Variants in RTN3 observed in about 807,000 individuals in gnomAD.
The protein encoded by RTN3 is reticulon-3.
Under a neutral mutation model 77.8 loss-of-function variants are expected in RTN3, and 49 were observed. The observed-to-expected ratio is 0.63, with a 90% confidence interval of 0.50 to 0.80. RTN3 has a LOEUF of 0.80. RTN3 is among the 30% of genes least tolerant of loss of function. The probability of loss-of-function intolerance (pLI) is 0.00; values close to 1 mark genes in which losing one functional copy is unlikely to be tolerated. For synonymous variants in RTN3, 464 were observed against 446.9 expected, an observed-to-expected ratio of 1.04 and a Z score of -0.48; for missense variants, 1,236 against 1,211.9, an observed-to-expected ratio of 1.02 and a Z score of -0.29.
At chr11:63,687,669 A>G (rs974403671) in intron 1 of RTN3, among the ~76,000 whole-genome samples, 2 of 152,168 alleles carry the variant, frequency 1.3e-5, no homozygotes, top group African/African-American at 4.8e-5. Context: ...CCTGTAGTAA[A>G]TAACTGTACC....
At position 63,733,696 on chromosome 11, in the gene RTN3, C is replaced by T. The variant is rs1272696104; in HGVS notation, c.2530+12664C>T. Among the ~76,000 whole-genome samples, 4 of 151,286 alleles carry T rather than the reference C, an allele frequency of 2.6e-5. No individual in the cohort carries two copies. The East Asian group carries it at 7.8e-4, about 29-fold the overall frequency. On this transcript the variant is annotated intron_variant, in intron 3 of 8. Coordinates refer to ENST00000377819, the MANE Select transcript of RTN3 (RefSeq NM_001265589.2). ...ACCAGCCTGGACAACAAAGTGAGAC[C>T]CTGTCTCTACCAACAAAAAAAAAAG...
At chr11:63,728,656 G>A (rs942671163) in intron 3 of RTN3, among the ~76,000 whole-genome samples, 4 of 152,158 alleles carry the variant, frequency 2.6e-5, no homozygotes, top group East Asian at 1.9e-4. Context: ...TTGGAAGGCC[G>A]AGACAGGTGG....
rs147042072 is a variant in RTN3, at chr11:63,725,906, G to A, written c.2530+4874G>A. Among the ~76,000 whole-genome samples, 1,229 of 152,218 alleles carry A rather than the reference G, an allele frequency of 8.1e-3. 16 individuals carry two copies. The highest frequency in any genetic ancestry group is 0.027 in the African/African-American group (1,132 of 41,522). ...TGTCTTCTGTTATGTAAAAATGTTCGTAATTTATTAGTAAAAACTACATTG... is the reference window on the plus strand; with the variant it reads ...TGTCTTCTGTTATGTAAAAATGTTCATAATTTATTAGTAAAAACTACATTG... On this transcript the variant is annotated intron_variant, in intron 3 of 8. Coordinates refer to ENST00000377819, the MANE Select transcript of RTN3 (RefSeq NM_001265589.2).
In RTN3 at chr11:63,720,871, A is replaced by G. The variant is rs1253658667; in HGVS notation, c.2369A>G (p.Tyr790Cys). The change falls in exon 3 of 9, where the codon TAT becomes TGT. Residue 790 changes from tyrosine to cysteine, a missense_variant. Transcript: ENST00000377819. ...FAPESWPQRS[Y>C]DILERNVKNG... ...CCAGAATCTTGGCCACAGAGATCATATGACATCCTAGAACGTAATGTCAAG... is the reference window on the plus strand; with the variant it reads ...CCAGAATCTTGGCCACAGAGATCATGTGACATCCTAGAACGTAATGTCAAG... 5 of 1,614,090 alleles carry G rather than the reference A, an allele frequency of 3.1e-6. No individual in the cohort carries two copies. Among genetic ancestry groups the G allele is most frequent in the Middle Eastern group, 1.6e-4 (1 of 6,062 alleles).
chr11:63,758,692 C>T lies in RTN3; in HGVS notation c.*491C>T, dbSNP rs1160432754. ...AGCCCTCAAATCCTATCTTCCTGCC[C>T]CACAATGTGAGCAGCTACCCCTGAT... On this transcript the variant is annotated 3_prime_UTR_variant, in exon 9 of 9. Transcript: ENST00000377819. 3 of 277,664 alleles carry T rather than the reference C, an allele frequency of 1.1e-5. No homozygotes were observed. Among genetic ancestry groups the T allele is most frequent in the Non-Finnish European group, 2.0e-5 (3 of 150,828 alleles). The allele number at this position is 277,664 out of a possible 1,614,324, so 17.2% of individuals were successfully genotyped here.
chr11:63,758,722 C>G lies in RTN3; in HGVS notation c.*521C>G. ...ATGTGAGCAGCTACCCCTGATACTC[C>G]TTTTCTTTAATGATTTAACTATCAA... On this transcript the variant is annotated 3_prime_UTR_variant, in exon 9 of 9. Coordinates refer to ENST00000377819, the MANE Select transcript of RTN3 (RefSeq NM_001265589.2). 1 of 221,794 alleles carries G rather than the reference C, an allele frequency of 4.5e-6. No homozygotes were observed. Among genetic ancestry groups the G allele is most frequent in the Non-Finnish European group, 8.7e-6 (1 of 114,544 alleles). 13.7% of individuals were successfully genotyped at this position (221,794 alleles called of 1,614,324 possible). A position where few individuals can be genotyped will look rare whatever the true frequency, so the allele number is the denominator to read the frequency against.
At chr11:63,692,960 G>A (rs1332260313) in intron 1 of RTN3, among the ~76,000 whole-genome samples, 2 of 152,114 alleles carry the variant, frequency 1.3e-5, no homozygotes, top group Non-Finnish European at 2.9e-5. Context: ...AAAGAGAGAT[G>A]GGGTCTCACC....
At chr11:63,743,888 C>T (rs990410983) in intron 3 of RTN3, among the ~76,000 whole-genome samples, 2 of 152,022 alleles carry the variant, frequency 1.3e-5, no homozygotes, top group Non-Finnish European at 2.9e-5. Flanking sequence ...TGCACTTCAG[C>T]GTGGGCAACA....
At chr11:63,728,262 G>A (rs934521389) in intron 3 of RTN3, among the ~76,000 whole-genome samples, 4 of 152,170 alleles carry the variant, frequency 2.6e-5, no homozygotes, top group Non-Finnish European at 5.9e-5. Flanking sequence ...GTCTAGCACG[G>A]CATGCAGTGC....
chr11:63,718,865 C>CT lies in RTN3; in HGVS notation c.365dup (p.Leu122PhefsTer33). ...TTTTAGCCAAAGAAGGAAAAGACCA[C>CT]TTGGATCTTCTAGATATGAAAAAGA... On this transcript the variant is annotated frameshift_variant, in exon 3 of 9. Coordinates refer to ENST00000377819, the MANE Select transcript of RTN3 (RefSeq NM_001265589.2). LOFTEE classifies it high-confidence loss of function. 6.2e-7 allele frequency: 1 copy of CT among 1,614,024 alleles called. No individual in the cohort carries two copies. The highest frequency in any genetic ancestry group is 8.5e-7 in the Non-Finnish European group (1 of 1,179,996).
chr11:63,691,961 T>C (rs1057222089), intron 1 of RTN3, among the ~76,000 whole-genome samples: 2 of 152,188 alleles, frequency 1.3e-5, no homozygotes, highest in African/African-American at 4.8e-5. Context: ...AATGCTGATA[T>C]CCTCAGAAGA....
chr11:63,754,471 C>T (rs1254018827), intron 7 of RTN3, among the ~76,000 whole-genome samples: 1 of 152,032 alleles, frequency 6.6e-6, no homozygotes, highest in Non-Finnish European at 1.5e-5. Context: ...GAGGCCGAGG[C>T]GGGCAGATCA....
At chr11:63,701,710 G>C (rs1942246186) in intron 1 of RTN3, among the ~76,000 whole-genome samples, 1 of 152,104 alleles carries the variant, frequency 6.6e-6, no homozygotes, top group African/African-American at 2.4e-5. Context: ...ACTTTGGGAG[G>C]CTGAGTGGGA....
chr11:63,682,886 G>C (rs1417734261), intron 1 of RTN3, among the ~76,000 whole-genome samples: 2 of 152,152 alleles, frequency 1.3e-5, no homozygotes, highest in South Asian at 4.1e-4. Flanking sequence ...CAAAGGAACG[G>C]AGTCTTTGAA....
chr11:63,741,662 A>C (rs548081472), intron 3 of RTN3, among the ~76,000 whole-genome samples: 1 of 151,514 alleles, frequency 6.6e-6, no homozygotes, highest in East Asian at 2.0e-4. Flanking sequence ...CACCATGCCC[A>C]GCTAACTTAT....
intron 1 of RTN3, among the ~76,000 whole-genome samples, chr11:63,696,760 T>C (rs1269783835): frequency 6.6e-6 from 1 of 151,180 alleles, no homozygotes; most frequent in African/African-American, 2.4e-5. Context: ...TTGGCCAGGC[T>C]GGTCTCGAAC....
intron 1 of RTN3, among the ~76,000 whole-genome samples, chr11:63,693,628 AC>A (rs1256323185): frequency 6.6e-6 from 1 of 152,154 alleles, no homozygotes; most frequent in African/African-American, 2.4e-5. Context: ...TTTCTATAAG[AC>A]CTCTATGGAA....
At chr11:63,687,252 A>G (rs1399165348) in intron 1 of RTN3, among the ~76,000 whole-genome samples, 1 of 152,212 alleles carries the variant, frequency 6.6e-6, no homozygotes, top group Non-Finnish European at 1.5e-5. Flanking sequence ...ATCTTGTGCA[A>G]GTCCTGAGCC....
In RTN3 at chr11:63,720,491, T is replaced by A. The variant is rs745336522; in HGVS notation, c.1989T>A (p.Asp663Glu). The change falls in exon 3 of 9, where the codon GAT (aspartate) becomes GAA (glutamate). Residue 663 changes from aspartate to glutamate, a missense_variant. Asp to Glu is a conservative substitution (Grantham distance 45, BLOSUM62 2). Around this residue, in one of 3 missense-constraint regions of RTN3, gnomAD observed 1,056 missense variants for 990.4 expected, o/e 1.07. Transcript: ENST00000377819. ...DLIAAFTETR[D>E]KGIVDSERNA... is the part of the protein sequence containing the mutation. Reference sequence around the variant, plus strand: ...TAGCAGCCTTTACAGAAACCAGAGATAAAGGAATAGTAGATAGTGAAAGAA... The same window carrying A: ...TAGCAGCCTTTACAGAAACCAGAGAAAAAGGAATAGTAGATAGTGAAAGAA... 4 of 1,613,346 alleles carry A rather than the reference T, an allele frequency of 2.5e-6. No homozygotes were observed. The Admixed American group carries it at 6.7e-5, about 27-fold the overall frequency.
Sources: allele counts gnomAD v4.1 joint callset (sites outside exome capture counted in the v4.1 genomes callset), GRCh38; gene constraint gnomAD v4.1.1; regional missense constraint gnomAD v4.1.1; transcripts MANE v1.5; gene names NCBI Gene and HGNC (gene_info 2026-07-23, HGNC 2026-07-21).